Variants in FOXP1 observed in about 807,000 individuals in gnomAD.
FOXP1 encodes the protein forkhead box protein P1.
Under a neutral mutation model 98.2 loss-of-function variants are expected in FOXP1, and 15 were observed. That is an observed-to-expected ratio of 0.15 (90% confidence interval 0.10 to 0.24). FOXP1 has a LOEUF of 0.24. FOXP1 is among the 10% of genes least tolerant of loss of function. The pLI is 1.00. For synonymous variants in FOXP1, 371 were observed against 314.5 expected (o/e 1.18, Z -1.90); for missense variants, 633 against 848.5 (o/e 0.75, Z 3.15).
intron 6 of FOXP1, among the ~76,000 whole-genome samples, chr3:71,126,669 C>A (rs2059202864): frequency 6.6e-6 from 1 of 151,228 alleles, no homozygotes; most frequent in Non-Finnish European, 1.5e-5. Context: ...ACTAAAAATA[C>A]AAAAATTAGC....
chr3:71,312,722 T>C (rs1161837029), intron 4 of FOXP1, among the ~76,000 whole-genome samples: 1 of 152,148 alleles, frequency 6.6e-6, no homozygotes. Context: ...CGGTGGCTCA[T>C]ACCTGTAAAT....
chr3:71,543,256 C>T lies in FOXP1; in HGVS notation c.-298+38293G>A, dbSNP rs2045031026. On this transcript the variant is annotated intron_variant, in intron 2 of 20. Transcript: ENST00000649528. ...ATAAATTGCATCATTTAGTTAACAT[C>T]CACTTGCTTTGCGGCTGTTAAAAAA... Among the ~76,000 whole-genome samples, 8 of 152,340 alleles carry T rather than the reference C, an allele frequency of 5.3e-5. No individual in the cohort carries two copies. In the South Asian group the frequency reaches 1.7e-3, roughly 32 times the overall value.
At chr3:71,529,863 C>T (rs2043691872) in intron 2 of FOXP1, among the ~76,000 whole-genome samples, 1 of 152,094 alleles carries the variant, frequency 6.6e-6, no homozygotes, top group Non-Finnish European at 1.5e-5. Context: ...TCCAATAAAC[C>T]AGTAAACCTA....
intron 3 of FOXP1, among the ~76,000 whole-genome samples, chr3:71,389,199 C>T (rs955364680): frequency 4.6e-5 from 6 of 131,552 alleles, no homozygotes; most frequent in African/African-American, 1.8e-4. Context: ...AGTGAGGCCT[C>T]CAATCAATTA....
intron 2 of FOXP1, chr3:71,574,416 T>C (rs1169146264): frequency 5.3e-5 from 8 of 152,250 alleles, no homozygotes; most frequent in Admixed American, 1.3e-4. Context: ...GTTAGATCTT[T>C]AGTTGAAGCC....
intron 2 of FOXP1, among the ~76,000 whole-genome samples, chr3:71,508,798 G>C (rs183184485): frequency 6.6e-6 from 1 of 152,314 alleles, no homozygotes; most frequent in Non-Finnish European, 1.5e-5. Context: ...GGTCTGCAGA[G>C]TGATACCTGC....
intron 6 of FOXP1, chr3:71,197,786 TTC>T (rs1390419582): frequency 2.5e-6 from 3 of 1,212,134 alleles, no homozygotes; most frequent in Non-Finnish European, 3.5e-6. Flanking sequence ...TCTACTCTTT[TTC>T]TCTCTTTTAT....
intron 18 of FOXP1, chr3:70,972,312 G>T: frequency 1.0e-6 from 1 of 969,786 alleles, no homozygotes; most frequent in Non-Finnish European, 1.5e-6. Context: ...AATGGTTTGT[G>T]AGGGTTAATA....
At chr3:70,972,185 G>A in intron 18 of FOXP1, 1 of 1,519,438 alleles carries the variant, frequency 6.6e-7, no homozygotes. Flanking sequence ...GGCACCCTGG[G>A]ATAGGAGCAG....
At chr3:71,067,510 T>C (rs2052663949) in intron 7 of FOXP1, among the ~76,000 whole-genome samples, 1 of 152,174 alleles carries the variant, frequency 6.6e-6, no homozygotes, top group African/African-American at 2.4e-5. Context: ...GTTTTAACAG[T>C]CTCATGCAGT....
chr3:71,053,784 A>C lies in FOXP1; in HGVS notation c.283-11T>G, dbSNP rs771211325. ...CACTGACACGGGAACCTAGAATGTT[A>C]ATGAAGGATAAATAGGAAGCCAGGA... On this transcript the variant is annotated splice_polypyrimidine_tract_variant and intron_variant, in intron 7 of 20. Coordinates refer to ENST00000649528, the MANE Select transcript of FOXP1 (RefSeq NM_001349338.3). 2.5e-6 allele frequency: 4 copies of C among 1,613,944 alleles called. No homozygotes were observed. In the Admixed American group the frequency reaches 6.7e-5, roughly 27 times the overall value.
intron 5 of FOXP1, among the ~76,000 whole-genome samples, chr3:71,259,140 G>A (rs974869422): frequency 4.6e-5 from 7 of 151,698 alleles, no homozygotes; most frequent in East Asian, 1.9e-4. Context: ...CTAAGACTGT[G>A]TCTCAGAAAA....
intron 2 of FOXP1, among the ~76,000 whole-genome samples, chr3:71,501,182 G>A (rs756702465): frequency 4.0e-5 from 6 of 151,788 alleles, no homozygotes; most frequent in Non-Finnish European, 8.8e-5. Context: ...GTGAGACTCC[G>A]TCTCTAAATA....
chr3:71,454,403 CAGAG>C (rs1343283095), intron 3 of FOXP1, among the ~76,000 whole-genome samples: 3 of 152,256 alleles, frequency 2.0e-5, no homozygotes, highest in South Asian at 4.2e-4. Context: ...AGCTAAGGCA[CAGAG>C]AGAGACAGGT....
intron 4 of FOXP1, among the ~76,000 whole-genome samples, chr3:71,358,619 T>A (rs1048125294): frequency 1.3e-5 from 2 of 152,216 alleles, no homozygotes; most frequent in African/African-American, 4.8e-5. Flanking sequence ...GATAAATGGT[T>A]TGCTCAAGGT....
At chr3:71,002,768 C>T (rs990554161) in intron 12 of FOXP1, among the ~76,000 whole-genome samples, 8 of 152,162 alleles carry the variant, frequency 5.3e-5, no homozygotes, top group Admixed American at 4.6e-4. Context: ...ATTCAGAAAT[C>T]GAGGTTCAAG....
intron 5 of FOXP1, among the ~76,000 whole-genome samples, chr3:71,252,369 T>C (rs2068268812): frequency 6.6e-6 from 1 of 152,214 alleles, no homozygotes; most frequent in Non-Finnish European, 1.5e-5. Flanking sequence ...TTTTAGCCAC[T>C]GTGGAGTAGT....
rs1376087045 is a variant in FOXP1, at chr3:70,955,922, T to TA, written c.*3324dup. The TA allele has an allele frequency of 4.3e-6, 1 of 232,878 alleles. No individual in the cohort carries two copies. The highest frequency in any genetic ancestry group is 8.5e-6 in the Non-Finnish European group (1 of 117,998). 14.4% of individuals were successfully genotyped at this position (232,878 alleles called of 1,614,324 possible). On this transcript the variant is annotated 3_prime_UTR_variant, in exon 21 of 21. Coordinates refer to ENST00000649528, the MANE Select transcript of FOXP1 (RefSeq NM_001349338.3). ...AGAAATCTTCAACTATGTTACAGTTTAAAAGCAGAAAAAAAAAGTTAGGGA... is the reference window on the plus strand; with the variant it reads ...AGAAATCTTCAACTATGTTACAGTTTAAAAAGCAGAAAAAAAAAGTTAGGGA...
intron 6 of FOXP1, among the ~76,000 whole-genome samples, chr3:71,125,518 G>A (rs2059104647): frequency 6.6e-6 from 1 of 152,200 alleles, no homozygotes; most frequent in African/African-American, 2.4e-5. Context: ...ACATCTTATG[G>A]AGGCAAAGAA....
Sources: gnomAD v4.1 joint callset for allele counts (sites outside exome capture counted in the v4.1 genomes callset) on GRCh38, gnomAD v4.1.1 for gene constraint, MANE v1.5 for transcripts, NCBI Gene and HGNC (gene_info 2026-07-23, HGNC 2026-07-21) for gene names.